The following APLF variants were observed in gnomAD, a reference collection of about 807,000 sequenced individuals.
APLF encodes the protein aprataxin and PNK-like factor.
APLF carries 61 observed loss-of-function variants against 55.6 expected under a neutral mutation model. The ratio of observed to expected loss-of-function variants is 1.10; its 90% confidence interval spans 0.89 to 1.36. The LOEUF is 1.36. Among genes scored for constraint, APLF ranks in the 40% most tolerant of loss-of-function variants. APLF has a pLI of 0.00. For synonymous variants in APLF, 207 were observed against 214.8 expected, an observed-to-expected ratio of 0.96 and a Z score of 0.32; for missense variants, 611 against 602.5, an observed-to-expected ratio of 1.01 and a Z score of -0.15.
At chr2:68,515,177 A>G (rs1189553560) in intron 5 of APLF, among the ~76,000 whole-genome samples, 1 of 151,712 alleles carries the variant, frequency 6.6e-6, no homozygotes, top group Non-Finnish European at 1.5e-5. Context: ...TTATGTGTTA[A>G]GGGGCATGTG....
chr2:68,578,661 A>G lies in APLF; in HGVS notation c.*639A>G. On this transcript the variant is annotated 3_prime_UTR_variant, in exon 10 of 10. Transcript: ENST00000303795. ...TGTTATTTTGTGTTCCACATCTGCA[A>G]TTTACTGTATGTTTGAATTTAAAAG... The G allele has an allele frequency of 1.0e-6, 1 of 985,344 alleles. No homozygotes were observed. Among genetic ancestry groups the G allele is most frequent in the Non-Finnish European group, 1.2e-6 (1 of 829,876 alleles). The allele number at this position is 985,344 out of a possible 1,614,324, so 61.0% of individuals were successfully genotyped here.
intron 8 of APLF, among the ~76,000 whole-genome samples, chr2:68,550,227 C>G (rs964913250): frequency 6.6e-6 from 1 of 151,838 alleles, no homozygotes; most frequent in African/African-American, 2.4e-5. Flanking sequence ...AGGTGGAATA[C>G]TTAGTCCATT....
At position 68,516,969 on chromosome 2, in the gene APLF, T is replaced by C. The variant is rs1175105696; in HGVS notation, c.622+3289T>C. Among the ~76,000 whole-genome samples the C allele has an allele frequency of 2.4e-5, 3 of 124,822 alleles. No individual in the cohort carries two copies. The East Asian group carries it at 6.5e-4, about 27-fold the overall frequency. The allele number at this position is 124,822 out of a possible 152,430, so 81.9% of individuals were successfully genotyped here. On this transcript the variant is annotated intron_variant, in intron 5 of 9. Coordinates refer to ENST00000303795, the MANE Select transcript of APLF (RefSeq NM_173545.3). ...ATATATAATATAATATATAATAATA[T>C]AATATAATATAATTATATATAATAA...
Position 68,578,539 on chromosome 2 carries a change from A to G in APLF, c.*517A>G, listed in dbSNP as rs1173287780. 2 of 985,616 alleles carry G rather than the reference A, an allele frequency of 2.0e-6. No homozygotes were observed. The highest frequency in any genetic ancestry group is 3.5e-5 in the African/African-American group (2 of 57,210). The allele number at this position is 985,616 out of a possible 1,614,324, so 61.1% of individuals were successfully genotyped here. ...TGTGAGCTTTGCAATTTCACTTACT[A>G]CTTTTATCCTTCAAAACTTGGGAAG... On this transcript the variant is annotated 3_prime_UTR_variant, in exon 10 of 10. Transcript: ENST00000303795.
At chr2:68,484,465 G>A (rs1676063746) in intron 1 of APLF, among the ~76,000 whole-genome samples, 2 of 152,046 alleles carry the variant, frequency 1.3e-5, no homozygotes, top group Admixed American at 1.3e-4. Context: ...GAGGTGGGTG[G>A]ATCATTCAAG....
In APLF at chr2:68,578,026, C is replaced by G. The variant is rs748369524; in HGVS notation, c.*4C>G. 6.2e-7 allele frequency: 1 copy of G among 1,610,592 alleles called. No homozygotes were observed. Among genetic ancestry groups the G allele is most frequent in the Non-Finnish European group, 8.5e-7 (1 of 1,178,494 alleles). On this transcript the variant is annotated 3_prime_UTR_variant, in exon 10 of 10. Transcript: ENST00000303795. ...AAGGTTTATGAAAAGAAAATAGTAA[C>G]TAACTTCTGTAGTCATATCTGCCTT...
intron 7 of APLF, among the ~76,000 whole-genome samples, chr2:68,543,493 A>T (rs1179428384): frequency 6.6e-6 from 1 of 152,218 alleles, no homozygotes; most frequent in African/African-American, 2.4e-5. Flanking sequence ...TGGAACTCTA[A>T]TAACCTACTG....
rs765143660 is a variant in APLF at position 68,513,557 on chromosome 2, G to A, written c.499G>A (p.Gly167Ser). The A allele has an allele frequency of 1.9e-5, 30 of 1,610,228 alleles. No individual in the cohort carries two copies. The highest frequency in any genetic ancestry group is 2.5e-5 in the Non-Finnish European group (30 of 1,177,896). Residue 167 changes from glycine (G) to serine (S), a missense_variant, in exon 5 of 10, where the codon GGT (glycine) becomes AGT (serine). Gly to Ser is a moderately conservative substitution (Grantham distance 56, BLOSUM62 0). Coordinates refer to ENST00000303795, the MANE Select transcript of APLF (RefSeq NM_173545.3). The part of the protein sequence containing the change: ...MTPTNSVSFL[G>S]ENRDCNKQQP... ...ATAGGTGTCTTTTTAGTCTTTCCTA[G>A]GTGAAAATAGAGACTGCAATAAGCA...
chr2:68,482,832 G>C (rs1049222714), intron 1 of APLF, among the ~76,000 whole-genome samples: 1 of 152,224 alleles, frequency 6.6e-6, no homozygotes, highest in East Asian at 1.9e-4. Context: ...GTGGTCTGCT[G>C]TTTCTCTGGC....
At chr2:68,561,162 A>G (rs10186621) in intron 8 of APLF, among the ~76,000 whole-genome samples, 12,656 of 152,138 alleles carry the variant, frequency 0.083, 586 homozygotes, top group Middle Eastern at 0.12. Flanking sequence ...TGTCTATCTG[A>G]ATAACTGATA....
At chr2:68,565,256 G>A (rs1056905838) in intron 8 of APLF, among the ~76,000 whole-genome samples, 1 of 152,008 alleles carries the variant, frequency 6.6e-6, no homozygotes, top group African/African-American at 2.4e-5. Flanking sequence ...TTAAATTTAT[G>A]TATTTATAAT....
chr2:68,488,363 C>T, intron 1 of APLF, among the ~76,000 whole-genome samples: 1 of 148,672 alleles, frequency 6.7e-6, no homozygotes, highest in East Asian at 2.0e-4. Context: ...CAGGGTCTCA[C>T]CGTGTCCCCC....
At chr2:68,471,555 G>A (rs1257740345) in intron 1 of APLF, among the ~76,000 whole-genome samples, 1 of 152,090 alleles carries the variant, frequency 6.6e-6, no homozygotes, top group Non-Finnish European at 1.5e-5. Flanking sequence ...GAAGTGGGAG[G>A]GAAGAAGAAA....
rs368748685 is a variant in APLF, at chr2:68,516,352, T to G, written c.622+2672T>G. On this transcript the variant is annotated intron_variant, in intron 5 of 9. Coordinates refer to ENST00000303795, the MANE Select transcript of APLF (RefSeq NM_173545.3). ...TCTCTCAGTTTAACTCTTTAATCCT[T>G]TATATGTAGGGGAATTTTTGCTGTT... 1.2e-3 allele frequency among the ~76,000 whole-genome samples: 178 copies of G among 151,698 alleles called. 1 individual carries two copies. The highest frequency in any genetic ancestry group is 4.2e-3 in the African/African-American group (175 of 41,424).
chr2:68,541,203 G>A (rs1187511663), intron 7 of APLF, among the ~76,000 whole-genome samples: 1 of 152,012 alleles, frequency 6.6e-6, no homozygotes, highest in Non-Finnish European at 1.5e-5. Flanking sequence ...GGATAACATA[G>A]AATATATTCA....
chr2:68,494,277 C>CAA (rs59466460), intron 2 of APLF, among the ~76,000 whole-genome samples: 3,595 of 48,752 alleles, frequency 0.074, 219 homozygotes, highest in Non-Finnish European at 0.12. Flanking sequence ...GACCCCGTCT[C>CAA]AAAAAAAAAA....
At chr2:68,555,605 A>G (rs946197442) in intron 8 of APLF, among the ~76,000 whole-genome samples, 86 of 152,304 alleles carry the variant, frequency 5.6e-4, no homozygotes, top group African/African-American at 1.9e-3. Flanking sequence ...TAAAATGCTA[A>G]TGATCAGGGA....
intron 1 of APLF, among the ~76,000 whole-genome samples, chr2:68,488,732 A>G (rs574797962): frequency 2.0e-5 from 3 of 152,204 alleles, no homozygotes; most frequent in African/African-American, 7.2e-5. Flanking sequence ...ATTTCTATGT[A>G]AAGTGTTAAT....
chr2:68,529,505 C>T lies in APLF; in HGVS notation c.804+3263C>T, dbSNP rs986146460. 25 of 1,020,298 alleles carry T rather than the reference C, an allele frequency of 2.5e-5. No individual in the cohort carries two copies. The East Asian group carries it at 1.4e-3, about 57-fold the overall frequency. The allele number at this position is 1,020,298 out of a possible 1,614,324, so 63.2% of individuals were successfully genotyped here. A position where few individuals can be genotyped will look rare whatever the true frequency, so the allele number is the denominator to read the frequency against. Reference sequence around the variant, plus strand: ...CACAGACGAAACTAAGGGTCAGAAGCGGAGAGGATACTCCTAAGTCACCCA... The same window carrying T: ...CACAGACGAAACTAAGGGTCAGAAGTGGAGAGGATACTCCTAAGTCACCCA... On this transcript the variant is annotated intron_variant, in intron 6 of 9. Coordinates refer to ENST00000303795, the MANE Select transcript of APLF (RefSeq NM_173545.3). The surrounding 1 kb of genome is among the most constrained non-coding windows in gnomAD (Gnocchi z 4.4).
Sources: gnomAD v4.1 joint callset for allele counts (sites outside exome capture counted in the v4.1 genomes callset) on GRCh38, gnomAD v4.1.1 for gene constraint, Gnocchi (gnomAD v3.1) non-coding constraint, MANE v1.5 for transcripts, NCBI Gene and HGNC (gene_info 2026-07-23, HGNC 2026-07-21) for gene names.